PRKAR1A: variants seen among roughly 807,000 people sequenced by gnomAD.
The protein encoded by PRKAR1A is protein kinase cAMP-dependent type I regulatory subunit alpha.
PRKAR1A carries 3 observed loss-of-function variants against 52.0 expected under a neutral mutation model. The ratio of observed to expected loss-of-function variants is 0.06; its 90% CI spans 0.03 to 0.15. The LOEUF (loss-of-function observed/expected upper bound fraction) is 0.15, where lower values mean the gene tolerates loss of function less well. PRKAR1A is among the 10% of genes least tolerant of loss of function. The pLI is 1.00. For synonymous variants in PRKAR1A, 188 were observed against 168.4 expected (o/e 1.12, Z -0.90); for missense variants, 240 against 477.4 (o/e 0.50, Z 4.63).
the PRKAR1A span, among the ~76,000 whole-genome samples, chr17:68,484,018 G>A: frequency 3.3e-5 from 5 of 152,114 alleles, no homozygotes; most frequent in Admixed American, 6.6e-5. Context: ...TTGAAATTAG[G>A]TACCATTAGC....
chr17:68,466,194 A>G, the PRKAR1A span, among the ~76,000 whole-genome samples: 4 of 152,232 alleles, frequency 2.6e-5, no homozygotes, highest in South Asian at 2.1e-4. Context: ...TTTCCTATTA[A>G]TTACTGGGAG....
At chr17:68,450,874 C>T in the PRKAR1A span, 50 of 1,613,104 alleles carry the variant, frequency 3.1e-5, no homozygotes, top group South Asian at 5.5e-5. Context: ...AGGCGCTCCA[C>T]GATGTAGACG....
chr17:68,443,970 A>C, the PRKAR1A span, among the ~76,000 whole-genome samples: 1 of 152,220 alleles, frequency 6.6e-6, no homozygotes, highest in Non-Finnish European at 1.5e-5. Context: ...GAATGTATTA[A>C]ATAGTGTTAA....
rs2143350458 is a variant in PRKAR1A at position 68,527,857 on chromosome 17, G to A, written c.726G>A (p.Lys242=). The change falls in exon 8 of 11, where the codon AAG becomes AAA. Residue 242 remains lysine (K), a synonymous_variant. Coordinates refer to ENST00000589228, the MANE Select transcript of PRKAR1A (RefSeq NM_002734.5). ...RRILMGSTLR[K]RKMYEEFLSK... is the part of the protein sequence containing the mutation. The stretch of plus-strand genomic sequence containing the variant: ...ATTTTTAGGGAAGCACACTGAGAAA[G>A]CGGAAGATGTATGAGGAATTCCTTA... 6.2e-7 allele frequency: 1 copy of A among 1,612,320 alleles called. No individual in the cohort carries two copies. Among genetic ancestry groups the A allele is most frequent in the South Asian group, 1.1e-5 (1 of 91,048 alleles).
At chr17:68,427,745 C>G in the PRKAR1A span, among the ~76,000 whole-genome samples, 1 of 152,232 alleles carries the variant, frequency 6.6e-6, no homozygotes, top group Non-Finnish European at 1.5e-5. Context: ...AAGATTAGTC[C>G]TCTGCTCTTC....
chr17:68,428,709 T>G, the PRKAR1A span: 2 of 757,042 alleles, frequency 2.6e-6, no homozygotes, highest in Non-Finnish European at 4.4e-6. Context: ...GGTTTGCCAC[T>G]GAGACTGCCA....
At chr17:68,500,185 C>T in the PRKAR1A span, among the ~76,000 whole-genome samples, 1 of 152,208 alleles carries the variant, frequency 6.6e-6, no homozygotes, top group Non-Finnish European at 1.5e-5. Context: ...CAAAATCACA[C>T]TGATATGGTT....
At chr17:68,458,355 C>T in the PRKAR1A span, among the ~76,000 whole-genome samples, 1 of 152,190 alleles carries the variant, frequency 6.6e-6, no homozygotes, top group Non-Finnish European at 1.5e-5. Flanking sequence ...GCTTTCAAGA[C>T]CTGTGCACTA....
the PRKAR1A span, among the ~76,000 whole-genome samples, chr17:68,481,216 T>C: frequency 6.6e-6 from 1 of 152,216 alleles, no homozygotes; most frequent in Non-Finnish European, 1.5e-5. Context: ...CCCAACCTTT[T>C]TGGCACCAGG....
chr17:68,539,241 C>T, intron 11 of PRKAR1A: 1 of 1,176,012 alleles, frequency 8.5e-7, no homozygotes, highest in Non-Finnish European at 1.3e-6. Flanking sequence ...ACGTCCTGGA[C>T]CAGTGAAAAC....
At chr17:68,416,377 G>A in the PRKAR1A span, among the ~76,000 whole-genome samples, 1 of 152,166 alleles carries the variant, frequency 6.6e-6, no homozygotes, top group Admixed American at 6.5e-5. Context: ...GGTATCTGCT[G>A]TTAATCCTGA....
In PRKAR1A at chr17:68,530,993, T is replaced by G. The variant is rs558465574; in HGVS notation, c.*544T>G. 1.9e-6 allele frequency: 2 copies of G among 1,077,904 alleles called. No homozygotes were observed. The highest frequency in any genetic ancestry group is 9.5e-5 in the East Asian group (2 of 21,008). The allele number at this position is 1,077,904 out of a possible 1,614,324, so 66.8% of individuals were successfully genotyped here. On this transcript the variant is annotated 3_prime_UTR_variant, in exon 11 of 11. Coordinates refer to ENST00000589228, the MANE Select transcript of PRKAR1A (RefSeq NM_002734.5). ...TTTAAGGGTGGAAAAATGCCCATTTTTGCTAATTATCAATGGGATATGATT... is the reference window on the plus strand; with the variant it reads ...TTTAAGGGTGGAAAAATGCCCATTTGTGCTAATTATCAATGGGATATGATT...
chr17:68,465,382 G>A, the PRKAR1A span, among the ~76,000 whole-genome samples: 2,143 of 152,100 alleles, frequency 0.014, 57 homozygotes, highest in African/African-American at 0.05. Flanking sequence ...GGACTTTCTT[G>A]GGCAATGCAC....
At chr17:68,539,449 C>T in intron 11 of PRKAR1A, 1 of 1,488,850 alleles carries the variant, frequency 6.7e-7, no homozygotes, top group Non-Finnish European at 9.4e-7. Context: ...TTTGCATTCC[C>T]CTGAGGCTTC....
At chr17:68,454,889 A>AGTGATGTTTTAT in the PRKAR1A span, among the ~76,000 whole-genome samples, 271 of 152,030 alleles carry the variant, frequency 1.8e-3, no homozygotes, top group Admixed American at 0.011. Context: ...AAAATCACAG[A>AGTGATGTTTTAT]GTGATGTTTT....
intron 9 of PRKAR1A, among the ~76,000 whole-genome samples, chr17:68,529,246 C>T (rs564987949): frequency 1.3e-5 from 2 of 152,230 alleles, no homozygotes; most frequent in East Asian, 3.9e-4. Flanking sequence ...ACATGAAAAG[C>T]CAAATTCTAA....
At chr17:68,464,641 G>A in the PRKAR1A span, among the ~76,000 whole-genome samples, 3 of 149,908 alleles carry the variant, frequency 2.0e-5, no homozygotes, top group Non-Finnish European at 2.9e-5. Context: ...AGATCGTGCC[G>A]CCGCACACTG....
At chr17:68,511,746 C>A (rs1182798354), upstream of PRKAR1A, 2 of 152,038 alleles carry the variant, frequency 1.3e-5, no homozygotes, top group Non-Finnish European at 2.9e-5. Flanking sequence ...GGGGCCCGGG[C>A]GGCGCTGGCC....
the PRKAR1A span, among the ~76,000 whole-genome samples, chr17:68,422,930 C>G: frequency 1.3e-5 from 2 of 152,084 alleles, no homozygotes; most frequent in Non-Finnish European, 2.9e-5. Context: ...AGTCTCTTTT[C>G]TTTCACTGCT....
Sources: allele counts gnomAD v4.1 joint callset (sites outside exome capture counted in the v4.1 genomes callset), GRCh38; gene constraint gnomAD v4.1.1; transcripts MANE v1.5; gene names NCBI Gene and HGNC (gene_info 2026-07-23, HGNC 2026-07-21).